Variants in PDE7A observed in about 807,000 individuals in gnomAD.
PDE7A encodes phosphodiesterase 7A, also known as high affinity 3',5'-cyclic-AMP phosphodiesterase 7A.
Under a neutral mutation model 64.3 loss-of-function variants are expected in PDE7A, and 39 were observed. That is an observed-to-expected ratio of 0.61 (90% CI 0.47 to 0.79). The LOEUF (loss-of-function observed/expected upper bound fraction) is 0.79, where lower values mean the gene tolerates loss of function less well. PDE7A is among the 30% of genes least tolerant of loss of function. The pLI is 0.00. For synonymous variants in PDE7A, 203 were observed against 206.8 expected (o/e 0.98, Z 0.16); for missense variants, 470 against 582.8 (o/e 0.81, Z 1.99).
intron 1 of PDE7A, among the ~76,000 whole-genome samples, chr8:65,810,731 T>TC (rs1810240698): frequency 6.6e-6 from 1 of 152,112 alleles, no homozygotes; most frequent in Non-Finnish European, 1.5e-5. Flanking sequence ...GAATAAACAA[T>TC]CACTCCCATA....
intron 1 of PDE7A, among the ~76,000 whole-genome samples, chr8:65,834,954 C>CTACCTGAATGCAAATA (rs547669312): frequency 2.1e-4 from 32 of 152,286 alleles, no homozygotes; most frequent in African/African-American, 7.7e-4. Context: ...CCTATGAACA[C>CTACCTGAATGCAAATA]TACCTGAATG....
chr8:65,814,903 G>A (rs1394656015), intron 1 of PDE7A, among the ~76,000 whole-genome samples: 55 of 152,130 alleles, frequency 3.6e-4, no homozygotes, highest in Non-Finnish European at 2.9e-5. Context: ...CCAACATGGT[G>A]AAACCCCGTT....
chr8:65,719,336 A>C lies in PDE7A; in HGVS notation c.1403T>G (p.Phe468Cys). 6.2e-7 allele frequency: 1 copy of C among 1,614,128 alleles called. No homozygotes were observed. Among genetic ancestry groups the C allele is most frequent in the South Asian group, 1.1e-5 (1 of 91,080 alleles). ...AGGTAATAACTGTGAGTTCAACTCA[A>C]ATGCAGCATCAGTGTCCTCACTGCT... Reference protein sequence around the residue: ...QSSSEDTDAAFELNSQLLPQE... With the variant: ...QSSSEDTDAACELNSQLLPQE... The change falls in exon 13 of 13, where the codon TTT becomes TGT. Residue 468 changes from phenylalanine (F) to cysteine (C), a missense_variant. Transcript: ENST00000401827.
At chr8:65,754,959 C>T (rs1808154254) in intron 3 of PDE7A, among the ~76,000 whole-genome samples, 1 of 150,130 alleles carries the variant, frequency 6.7e-6, no homozygotes, top group Admixed American at 6.6e-5. Flanking sequence ...GCGAGACTCC[C>T]TCAAAAAAAT....
chr8:65,772,034 A>G (rs1809110628), intron 3 of PDE7A, among the ~76,000 whole-genome samples: 1 of 152,176 alleles, frequency 6.6e-6, no homozygotes, highest in Non-Finnish European at 1.5e-5. Flanking sequence ...CGAGGCAGAA[A>G]AGAGATGAAT....
intron 1 of PDE7A, among the ~76,000 whole-genome samples, chr8:65,806,401 T>C (rs1308778252): frequency 5.3e-5 from 8 of 152,152 alleles, no homozygotes; most frequent in African/African-American, 9.7e-5. Context: ...GAGTTTATTT[T>C]TGAGGTGATA....
At chr8:65,723,424 TA>T (rs1806474356) in intron 12 of PDE7A, 116 bp downstream of exon 12, 1 of 1,034,388 alleles carries the variant, frequency 9.7e-7, no homozygotes, top group African/African-American at 1.7e-5. Flanking sequence ...TTTCTTAAAT[TA>T]TTTTTAAAAA....
chr8:65,823,720 C>A (rs921034379), intron 1 of PDE7A, among the ~76,000 whole-genome samples: 1 of 151,940 alleles, frequency 6.6e-6, no homozygotes, highest in African/African-American at 2.4e-5. Context: ...TTAGCCAATG[C>A]AATATATTAA....
chr8:65,802,871 C>G (rs566104338), intron 1 of PDE7A, among the ~76,000 whole-genome samples: 4 of 152,054 alleles, frequency 2.6e-5, no homozygotes, highest in African/African-American at 9.7e-5. Context: ...TGAAAGGGTC[C>G]GGGCCATCCC....
At chr8:65,745,242 C>T (rs182765936) in intron 5 of PDE7A, among the ~76,000 whole-genome samples, 165 bp downstream of exon 5, 22 of 152,314 alleles carry the variant, frequency 1.4e-4, no homozygotes, top group African/African-American at 4.8e-4. Context: ...ATTACCCAGT[C>T]TCGGGTATGT....
chr8:65,814,722 G>C (rs1264169428), intron 1 of PDE7A, among the ~76,000 whole-genome samples: 1 of 151,948 alleles, frequency 6.6e-6, no homozygotes, highest in East Asian at 1.9e-4. Context: ...ATTTAATTTT[G>C]GCCAGGTGTG....
chr8:65,832,117 G>A (rs894548784), intron 1 of PDE7A, among the ~76,000 whole-genome samples: 1 of 152,048 alleles, frequency 6.6e-6, no homozygotes, highest in Non-Finnish European at 1.5e-5. Flanking sequence ...TAATTATGTT[G>A]CTAGCATTTC....
intron 1 of PDE7A, among the ~76,000 whole-genome samples, chr8:65,841,157 A>T (rs1441161900): frequency 6.6e-6 from 1 of 152,172 alleles, no homozygotes; most frequent in Admixed American, 6.5e-5. Context: ...AGGATCCCGG[A>T]ACCCACCAGG....
intron 9 of PDE7A, among the ~76,000 whole-genome samples, chr8:65,725,780 GAACTC>G (rs1238758845): frequency 2.0e-5 from 3 of 151,956 alleles, no homozygotes; most frequent in Admixed American, 6.6e-5. Flanking sequence ...TTAAATCTGA[GAACTC>G]AACAGGGTTA....
chr8:65,812,130 T>A (rs906912764), intron 1 of PDE7A, among the ~76,000 whole-genome samples: 1 of 150,158 alleles, frequency 6.7e-6, no homozygotes, highest in East Asian at 2.0e-4. Context: ...TCATTTGAAC[T>A]CAGGAGGTGG....
At chr8:65,768,908 GCTAT>G (rs1808933921) in intron 3 of PDE7A, among the ~76,000 whole-genome samples, 1 of 152,140 alleles carries the variant, frequency 6.6e-6, no homozygotes, top group Non-Finnish European at 1.5e-5. Context: ...AGTGACAGAT[GCTAT>G]CTGAGGAAAT....
intron 1 of PDE7A, among the ~76,000 whole-genome samples, chr8:65,832,733 C>T (rs1483807373): frequency 2.6e-5 from 4 of 152,140 alleles, no homozygotes; most frequent in Non-Finnish European, 5.9e-5. Flanking sequence ...AGCAACCCTC[C>T]CACCTAAGCC....
chr8:65,733,149 T>C (rs1806972428), intron 7 of PDE7A, among the ~76,000 whole-genome samples: 1 of 152,150 alleles, frequency 6.6e-6, no homozygotes, highest in South Asian at 2.1e-4. Flanking sequence ...ATGAAAAGTG[T>C]TTAAGTATTA....
In PDE7A at chr8:65,730,172, T is replaced by TTC. The variant is rs1491585325; in HGVS notation, c.697-2872_697-2871insGA. On this transcript the variant is annotated intron_variant, in intron 7 of 12. Coordinates refer to ENST00000401827, the MANE Select transcript of PDE7A (RefSeq NM_001242318.3). ...GTGAGGGATCCAGGTTGCGCACTTC[T>TTC]TTTTTTTTTTTTTTTTTTTTTTTTT... is the stretch of plus-strand genomic sequence containing the variant. 4.3e-4 allele frequency among the ~76,000 whole-genome samples: 7 copies of TTC among 16,362 alleles called. 1 individual carries two copies. The highest frequency in any genetic ancestry group is 6.0e-4 in the Non-Finnish European group (4 of 6,668). The allele number at this position is 16,362 out of a possible 152,430, so 10.7% of individuals were successfully genotyped here.
Sources: allele counts gnomAD v4.1 joint callset (sites outside exome capture counted in the v4.1 genomes callset), GRCh38; gene constraint gnomAD v4.1.1; transcripts MANE v1.5; gene names NCBI Gene and HGNC (gene_info 2026-07-23, HGNC 2026-07-21).